Variants in BEST3 observed in about 807,000 individuals in gnomAD.
BEST3 encodes the protein bestrophin-3.
A neutral mutation model predicts 47.1 loss-of-function variants in BEST3; 50 were observed. The observed-to-expected ratio is 1.06, with a 90% CI of 0.85 to 1.34. The LOEUF is 1.34. Ranked by LOEUF, BEST3 falls within the 40% of genes most tolerant of loss-of-function variation. The probability of loss-of-function intolerance (pLI) is 0.00; values close to 1 mark genes in which losing one functional copy is unlikely to be tolerated. For synonymous variants in BEST3, 282 were observed against 298.8 expected, an observed-to-expected ratio of 0.94 and a Z score of 0.58; for missense variants, 765 against 817.0, an observed-to-expected ratio of 0.94 and a Z score of 0.78.
At chr12:69,658,847 G>A (rs1005818549) in intron 9 of BEST3, among the ~76,000 whole-genome samples, 2 of 152,172 alleles carry the variant, frequency 1.3e-5, no homozygotes, top group African/African-American at 4.8e-5. Flanking sequence ...GCTGGAAAGA[G>A]GTCCTTGGAC....
chr12:69,692,984 A>G lies in BEST3; in HGVS notation c.481+690T>C, dbSNP rs1885979538. On this transcript the variant is annotated intron_variant, in intron 4 of 9. Transcript: ENST00000330891. ...CACCATGTTGGCCAGGCTTGTCTGG[A>G]ACTCCTGACCTCAGGTGATCCACCC... Among the ~76,000 whole-genome samples the G allele has an allele frequency of 3.9e-5, 6 of 152,166 alleles. No individual in the cohort carries two copies. The South Asian group carries it at 1.2e-3, about 32-fold the overall frequency.
chr12:69,691,265 C>A (rs530872291), intron 4 of BEST3, among the ~76,000 whole-genome samples: 4 of 152,176 alleles, frequency 2.6e-5, no homozygotes, highest in Admixed American at 1.3e-4. Flanking sequence ...ATCCTCATAA[C>A]AAGCCTATGG....
At chr12:69,663,292 T>A (rs570518340) in intron 9 of BEST3, among the ~76,000 whole-genome samples, 63 of 152,338 alleles carry the variant, frequency 4.1e-4, no homozygotes, top group East Asian at 9.6e-4. Context: ...CATTTTTTTT[T>A]AAAAATTATT....
At chr12:69,645,172 G>A (rs1368864452) in intron 9 of BEST3, among the ~76,000 whole-genome samples, 1 of 152,244 alleles carries the variant, frequency 6.6e-6, no homozygotes, top group South Asian at 2.1e-4. Context: ...TAGTTATTTG[G>A]CAGAGTGTTC....
At chr12:69,679,543 T>A (rs1233704769) in intron 4 of BEST3, among the ~76,000 whole-genome samples, 1 of 152,218 alleles carries the variant, frequency 6.6e-6, no homozygotes, top group African/African-American at 2.4e-5. Flanking sequence ...ATCGTCCCCA[T>A]AGCATTTTGC....
At chr12:69,670,711 T>C (rs1009761704) in intron 9 of BEST3, 90 of 462,222 alleles carry the variant, frequency 1.9e-4, no homozygotes, top group Non-Finnish European at 3.5e-5. Flanking sequence ...AGCCACAGTC[T>C]TGCCAAGAAT....
In BEST3 at chr12:69,657,357, A is replaced by G. The variant is rs144783965; in HGVS notation, c.1101-1544T>C. 6.5e-3 allele frequency among the ~76,000 whole-genome samples: 983 copies of G among 152,164 alleles called. 16 individuals carry two copies. The highest frequency in any genetic ancestry group is 0.023 in the East Asian group (118 of 5,182). ...ATAATCTGCCCACCTTGCCCTCCCA[A>G]AGTGCTGGGATTACAGGCATGAGCC... On this transcript the variant is annotated intron_variant, in intron 9 of 9. Transcript: ENST00000330891.
chr12:69,687,857 ATTAAT>A (rs1046849936), intron 4 of BEST3, among the ~76,000 whole-genome samples: 1 of 152,206 alleles, frequency 6.6e-6, no homozygotes, highest in Non-Finnish European at 1.5e-5. Context: ...TATGACAATG[ATTAAT>A]TTAAGATAAG....
At chr12:69,698,082 A>T (rs1485822900) in intron 1 of BEST3, among the ~76,000 whole-genome samples, 2 of 152,212 alleles carry the variant, frequency 1.3e-5, no homozygotes, top group African/African-American at 4.8e-5. Context: ...TTATATAGCC[A>T]TTGGCCAATA....
intron 4 of BEST3, among the ~76,000 whole-genome samples, chr12:69,691,154 C>A (rs981696096): frequency 6.6e-6 from 1 of 152,164 alleles, no homozygotes; most frequent in African/African-American, 2.4e-5. Context: ...CTATGTTATG[C>A]TGTTGTTTGA....
downstream of BEST3, among the ~76,000 whole-genome samples, chr12:69,649,981 C>A (rs1158223142): frequency 6.6e-6 from 1 of 152,230 alleles, no homozygotes; most frequent in Non-Finnish European, 1.5e-5. Context: ...CACCTGGCCA[C>A]ATCTACCTGT....
chr12:69,648,235 T>C (rs2135895227), intron 9 of BEST3, among the ~76,000 whole-genome samples: 1 of 152,194 alleles, frequency 6.6e-6, no homozygotes. Context: ...CTAGGGTCTC[T>C]GGAGGGAGGT....
At chr12:69,680,308 A>ATAT (rs1555207040) in intron 4 of BEST3, among the ~76,000 whole-genome samples, 1 of 3,282 alleles carries the variant, frequency 3.0e-4, no homozygotes, top group Non-Finnish European at 1.0e-3. Flanking sequence ...TTTACACTTG[A>ATAT]TCTTTTTTTT....
intron 8 of BEST3, among the ~76,000 whole-genome samples, 173 bp downstream of exon 8, chr12:69,672,712 C>T (rs924790790): frequency 2.0e-5 from 3 of 152,096 alleles, no homozygotes; most frequent in Admixed American, 6.5e-5. Flanking sequence ...GCTGAAATCT[C>T]GGATGTGTAA....
chr12:69,652,891 G>A (rs571865959), downstream of BEST3, among the ~76,000 whole-genome samples: 13 of 152,302 alleles, frequency 8.5e-5, no homozygotes, highest in Admixed American at 7.8e-4. Context: ...TGTTATATTG[G>A]CTCTTGATCC....
In BEST3 at chr12:69,655,190, A is replaced by T. The variant is rs757937891; in HGVS notation, c.1724T>A (p.Ile575Lys). ...QTVSASAEEN[I>K]FNCEEDPGDT... ...ACCAGGGTCTTCTTCACAGTTGAATATATTTTCCTCAGCGCTGGCTGAAAC... is the reference window on the plus strand; with the variant it reads ...ACCAGGGTCTTCTTCACAGTTGAATTTATTTTCCTCAGCGCTGGCTGAAAC... The change falls in exon 10 of 10, where the codon ATA becomes AAA. Residue 575 changes from isoleucine to lysine, a missense_variant. Ile to Lys is a moderately radical substitution (Grantham distance 102, BLOSUM62 -3). Coordinates refer to ENST00000330891, the MANE Select transcript of BEST3 (RefSeq NM_032735.3). 6.2e-7 allele frequency: 1 copy of T among 1,614,126 alleles called. No individual in the cohort carries two copies. Among genetic ancestry groups the T allele is most frequent in the East Asian group, 2.2e-5 (1 of 44,874 alleles).
At chr12:69,688,233 T>A (rs964194115) in intron 4 of BEST3, among the ~76,000 whole-genome samples, 1 of 152,156 alleles carries the variant, frequency 6.6e-6, no homozygotes, top group Non-Finnish European at 1.5e-5. Flanking sequence ...TGCATCTGAC[T>A]TGACTTGGAA....
chr12:69,686,779 C>CAAAAAAAAAAAACA lies in BEST3; in HGVS notation c.481+6894_481+6895insTGTTTTTTTTTTTT, dbSNP rs71094728. On this transcript the variant is annotated intron_variant, in intron 4 of 9. Transcript: ENST00000330891. ...AGAGCAAGATTCTGCCTCAAAAAAA[C>CAAAAAAAAAAAACA]AAAAAAAAAAGAAAGAAAAGAAAAA... Among the ~76,000 whole-genome samples, 369 of 99,386 alleles carry CAAAAAAAAAAAACA rather than the reference C, an allele frequency of 3.7e-3. 6 individuals carry two copies. The highest frequency in any genetic ancestry group is 0.016 in the African/African-American group (325 of 20,502). The allele number at this position is 99,386 out of a possible 152,430, so 65.2% of individuals were successfully genotyped here. A position where few individuals can be genotyped will look rare whatever the true frequency, so the allele number is the denominator to read the frequency against.
Position 69,654,687 on chromosome 12 carries a change from G to A in BEST3, c.*220C>T. 7.6e-7 allele frequency: 1 copy of A among 1,309,304 alleles called. No homozygotes were observed. The highest frequency in any genetic ancestry group is 9.7e-7 in the Non-Finnish European group (1 of 1,029,922). The allele number at this position is 1,309,304 out of a possible 1,614,324, so 81.1% of individuals were successfully genotyped here. A position where few individuals can be genotyped will look rare whatever the true frequency, so the allele number is the denominator to read the frequency against. On this transcript the variant is annotated 3_prime_UTR_variant, in exon 10 of 10. Coordinates refer to ENST00000330891, the MANE Select transcript of BEST3 (RefSeq NM_032735.3). Reference sequence around the variant, plus strand: ...AATCACTGTGGTCTGTGTAACTTCTGATGAAAGCCATGTTGTGTTGGATGA... The same window carrying A: ...AATCACTGTGGTCTGTGTAACTTCTAATGAAAGCCATGTTGTGTTGGATGA...
Sources: allele counts gnomAD v4.1 joint callset (sites outside exome capture counted in the v4.1 genomes callset), GRCh38; gene constraint gnomAD v4.1.1; transcripts MANE v1.5; gene names NCBI Gene and HGNC (gene_info 2026-07-23, HGNC 2026-07-21).